Variants in CST6 observed in about 807,000 individuals in gnomAD.
CST6 encodes cystatin E/M, also known as cystatin-M.
A neutral mutation model predicts 10.7 loss-of-function variants in CST6; 8 were observed. That is an observed-to-expected ratio of 0.75 (90% confidence interval 0.44 to 1.34). The LOEUF (loss-of-function observed/expected upper bound fraction) is 1.34, where lower values mean the gene tolerates loss of function less well. Among genes scored for constraint, CST6 ranks in the 40% most tolerant of loss-of-function variants. CST6 has a pLI of 0.01. For synonymous variants in CST6, 100 were observed against 89.3 expected (o/e 1.12, Z -0.68); for missense variants, 206 against 205.1 (o/e 1.00, Z -0.03).
Position 66,012,181 on chromosome 11 carries a change from C to G in CST6, c.137C>G (p.Pro46Arg). 6.4e-7 allele frequency: 1 copy of G among 1,574,144 alleles called. No individual in the cohort carries two copies. The change falls in exon 1 of 3, where the codon CCG becomes CGG. Residue 46 changes from proline to arginine, a missense_variant. By Grantham distance (103) the Pro-to-Arg change is moderately radical. Transcript: ENST00000312134. ...GELRDLSPDD[P>R]QVQKAAQAAV... ...CTCCGGGACCTGTCGCCCGACGACC[C>G]GCAGGTGCAGAAGGCGGCGCAGGCG...
intron 1 of CST6, 141 bp from the exon 2 acceptor site, chr11:66,012,685 C>CCCCCCCA (rs1856182071): frequency 3.6e-5 from 1 of 27,816 alleles, no homozygotes; most frequent in African/African-American, 2.5e-4. Context: ...CCCCCCCCCA[C>CCCCCCCA]CCCCCCCCAC....
At chr11:66,013,096 C>G (rs1353064665) in intron 2 of CST6, 145 bp downstream of exon 2, 2 of 1,198,212 alleles carry the variant, frequency 1.7e-6, no homozygotes, top group East Asian at 5.1e-5. Flanking sequence ...GCCTCTGGGC[C>G]AAGATGGGGT....
rs1565066914 is a variant in CST6 at position 66,012,849 on chromosome 11, C to T, written c.264C>T (p.Phe88=). Residue 88 remains phenylalanine, a synonymous_variant, in exon 2 of 3, where the codon TTC becomes TTT. Transcript: ENST00000312134. ...QSQLVAGIKY[F]LTMEMGSTDC... is the part of the protein sequence containing the mutation. ...AGCTGGTGGCCGGCATCAAGTACTT[C>T]CTGACGATGGAGATGGGGAGCACAG... 2 of 1,609,388 alleles carry T rather than the reference C, an allele frequency of 1.2e-6. No individual in the cohort carries two copies. Among genetic ancestry groups the T allele is most frequent in the Non-Finnish European group, 8.5e-7 (1 of 1,176,328 alleles).
Position 66,012,253 on chromosome 11 carries a change from G to C in CST6, c.209G>C (p.Arg70Pro). The change falls in exon 1 of 3, where the codon CGA (arginine) becomes CCA (proline). Residue 70 changes from arginine to proline, a missense_variant. Physicochemically the swap from Arg to Pro is moderately radical, Grantham distance 103. Coordinates refer to ENST00000312134, the MANE Select transcript of CST6 (RefSeq NM_001323.4). The stretch of plus-strand genomic sequence containing the variant: ...GGCAGCAACAGCATCTACTACTTCC[G>C]AGACACGCACATCATCAAGGCGCAG... ...NMGSNSIYYF[R>P]DTHIIKAQSQ... 1.2e-6 allele frequency: 2 copies of C among 1,606,202 alleles called. No homozygotes were observed. The highest frequency in any genetic ancestry group is 1.7e-6 in the Non-Finnish European group (2 of 1,176,370).
Position 66,013,303 on chromosome 11 carries a change from T to C in CST6, c.367-14T>C. The C allele has an allele frequency of 6.2e-7, 1 of 1,612,634 alleles. No individual in the cohort carries two copies. The highest frequency in any genetic ancestry group is 1.1e-5 in the South Asian group (1 of 91,036). On this transcript the variant is annotated splice_polypyrimidine_tract_variant and intron_variant, in intron 2 of 2. Coordinates refer to ENST00000312134, the MANE Select transcript of CST6 (RefSeq NM_001323.4). The stretch of plus-strand genomic sequence containing the variant: ...TGGGCTCACCCCTCCTTCTCCCCCA[T>C]ATTCCCTCCACAGAAGCTGCGCTGT...
chr11:66,012,729 A>G lies in CST6; in HGVS notation c.241-97A>G. On this transcript the variant is annotated intron_variant, in intron 1 of 2. Coordinates refer to ENST00000312134, the MANE Select transcript of CST6 (RefSeq NM_001323.4). ...AATCATCCCCTCTCCCTCTCTCCCCACCTGAGTGCCTGGGGGCAACAGGAG... is the reference window on the plus strand; with the variant it reads ...AATCATCCCCTCTCCCTCTCTCCCCGCCTGAGTGCCTGGGGGCAACAGGAG... The G allele has an allele frequency of 6.1e-6, 5 of 824,976 alleles. No homozygotes were observed. In the South Asian group the frequency reaches 1.2e-4, roughly 19 times the overall value. The allele number at this position is 824,976 out of a possible 1,614,324, so 51.1% of individuals were successfully genotyped here. A position where few individuals can be genotyped will look rare whatever the true frequency, so the allele number is the denominator to read the frequency against.
chr11:66,012,477 C>T (rs1169738623), intron 1 of CST6, among the ~76,000 whole-genome samples, 193 bp downstream of exon 1: 1 of 152,238 alleles, frequency 6.6e-6, no homozygotes, highest in African/African-American at 2.4e-5. Flanking sequence ...TAATTAAACC[C>T]TGTATTGCAC....
Position 66,012,269 on chromosome 11 carries a change from C to T in CST6, c.225C>T (p.Ile75=). ...SIYYFRDTHI[I]KAQSQLVAGI... is the part of the protein sequence containing the mutation. ...ACTACTTCCGAGACACGCACATCAT[C>T]AAGGCGCAGAGCCAGGTGCGGCGGG... Residue 75 remains isoleucine, a synonymous_variant, in exon 1 of 3, where the codon ATC becomes ATT. Coordinates refer to ENST00000312134, the MANE Select transcript of CST6 (RefSeq NM_001323.4). 1 of 1,603,224 alleles carries T rather than the reference C, an allele frequency of 6.2e-7. No homozygotes were observed. The highest frequency in any genetic ancestry group is 8.5e-7 in the Non-Finnish European group (1 of 1,173,912).
intron 1 of CST6, 25 bp downstream of exon 1, chr11:66,012,309 G>A: frequency 1.9e-6 from 3 of 1,565,538 alleles, no homozygotes; most frequent in South Asian, 1.2e-5. Flanking sequence ...GTGCTGGGAG[G>A]GGACACCCGG....
At chr11:66,013,016 T>A (rs1389163238) in intron 2 of CST6, 65 bp downstream of exon 2, 1 of 1,583,362 alleles carries the variant, frequency 6.3e-7, no homozygotes, top group South Asian at 1.1e-5. Flanking sequence ...TTGTCCATCC[T>A]GAACTGGTTT....
At position 66,012,302 on chromosome 11, in the gene CST6, C is replaced by G; in HGVS notation, c.240+18C>G. On this transcript the variant is annotated intron_variant, in intron 1 of 2. Transcript: ENST00000312134. ...AGAGCCAGGTGCGGCGGGCGGGGTG[C>G]TGGGAGGGGACACCCGGCCCAGATG... 6.4e-7 allele frequency: 1 copy of G among 1,573,958 alleles called. No homozygotes were observed. The highest frequency in any genetic ancestry group is 1.1e-5 in the South Asian group (1 of 87,176).
At position 66,012,252 on chromosome 11, in the gene CST6, C is replaced by A; in HGVS notation, c.208C>A (p.Arg70=). The change falls in exon 1 of 3, where the codon CGA becomes AGA. Residue 70 remains arginine, a synonymous_variant. Coordinates refer to ENST00000312134, the MANE Select transcript of CST6 (RefSeq NM_001323.4). ...GGGCAGCAACAGCATCTACTACTTC[C>A]GAGACACGCACATCATCAAGGCGCA... ...NMGSNSIYYF[R]DTHIIKAQSQ... 6.2e-7 allele frequency: 1 copy of A among 1,606,188 alleles called. No individual in the cohort carries two copies. Among genetic ancestry groups the A allele is most frequent in the Non-Finnish European group, 8.5e-7 (1 of 1,176,390 alleles).
At position 66,012,294 on chromosome 11, in the gene CST6, G is replaced by C. The variant is rs1472616277; in HGVS notation, c.240+10G>C. On this transcript the variant is annotated intron_variant, in intron 1 of 2. Coordinates refer to ENST00000312134, the MANE Select transcript of CST6 (RefSeq NM_001323.4). ...CAAGGCGCAGAGCCAGGTGCGGCGG[G>C]CGGGGTGCTGGGAGGGGACACCCGG... 1.3e-6 allele frequency: 2 copies of C among 1,585,530 alleles called. No individual in the cohort carries two copies. The highest frequency in any genetic ancestry group is 1.7e-6 in the Non-Finnish European group (2 of 1,162,144).
In CST6 at chr11:66,013,432, G is replaced by A; in HGVS notation, c.*32G>A. On this transcript the variant is annotated 3_prime_UTR_variant, in exon 3 of 3. Transcript: ENST00000312134. ...CCCGAGGGCGAAGGCCATTGGGTTT[G>A]GGGCCATGGTGGAGGGCACTTCAGG... The A allele has an allele frequency of 1.9e-6, 3 of 1,586,860 alleles. No individual in the cohort carries two copies. The highest frequency in any genetic ancestry group is 2.6e-6 in the Non-Finnish European group (3 of 1,155,092).
intron 2 of CST6, 26 bp downstream of exon 2, chr11:66,012,977 A>T: frequency 1.9e-6 from 3 of 1,611,120 alleles, no homozygotes; most frequent in Non-Finnish European, 2.5e-6. Flanking sequence ...CTCCAGCCCC[A>T]GCCCTCCCCA....
Position 66,013,455 on chromosome 11 carries a change from A to T in CST6, c.*55A>T. ...TTGGGGCCATGGTGGAGGGCACTTCAGGTCCGTGGGCCGTATCTGTCACAA... is the reference window on the plus strand; with the variant it reads ...TTGGGGCCATGGTGGAGGGCACTTCTGGTCCGTGGGCCGTATCTGTCACAA... On this transcript the variant is annotated 3_prime_UTR_variant, in exon 3 of 3. Transcript: ENST00000312134. 1 of 1,396,920 alleles carries T rather than the reference A, an allele frequency of 7.2e-7. No homozygotes were observed. The allele number at this position is 1,396,920 out of a possible 1,614,324, so 86.5% of individuals were successfully genotyped here.
chr11:66,012,437 G>GGACA (rs926792511), intron 1 of CST6, among the ~76,000 whole-genome samples, 153 bp downstream of exon 1: 15 of 152,332 alleles, frequency 9.8e-5, no homozygotes, highest in African/African-American at 3.6e-4. Flanking sequence ...ACTCCACGAT[G>GGACA]GACAACCATC....
Sources: gnomAD v4.1 joint callset for allele counts (sites outside exome capture counted in the v4.1 genomes callset) on GRCh38, gnomAD v4.1.1 for gene constraint, MANE v1.5 for transcripts, NCBI Gene and HGNC (gene_info 2026-07-23, HGNC 2026-07-21) for gene names.